Variants in WDR70 observed in about 807,000 individuals in gnomAD.
WDR70 encodes the protein WD repeat-containing protein 70.
Under a neutral mutation model 88.6 loss-of-function variants are expected in WDR70, and 53 were observed. The ratio of observed to expected loss-of-function variants is 0.60; its 90% confidence interval spans 0.48 to 0.75. WDR70 has a LOEUF of 0.75. WDR70 is among the 30% of genes least tolerant of loss of function. WDR70 has a pLI of 0.00. For missense variants in WDR70, 610 were observed against 823.2 expected, an observed-to-expected ratio of 0.74 and a Z score of 3.17; for synonymous variants, 280 against 270.0, an observed-to-expected ratio of 1.04 and a Z score of -0.36.
intron 9 of WDR70, among the ~76,000 whole-genome samples, chr5:37,540,288 C>CT (rs1287119238): frequency 1.3e-5 from 2 of 152,188 alleles, no homozygotes; most frequent in Non-Finnish European, 2.9e-5. Flanking sequence ...ATTTCCTTGC[C>CT]TTTCCACAAT....
chr5:37,381,824 C>T (rs1274716738), intron 3 of WDR70, 139 bp downstream of exon 3: 17 of 678,808 alleles, frequency 2.5e-5, no homozygotes, highest in Admixed American at 1.1e-4. Context: ...GAGGCCAAGG[C>T]GGGCAGATCA....
At chr5:37,610,280 A>G (rs1744153538) in intron 10 of WDR70, among the ~76,000 whole-genome samples, 1 of 152,028 alleles carries the variant, frequency 6.6e-6, no homozygotes, top group Non-Finnish European at 1.5e-5. Flanking sequence ...AAAAAAAAAA[A>G]AAAAATTTGT....
chr5:37,660,327 G>T (rs1028572953), intron 10 of WDR70, among the ~76,000 whole-genome samples: 3 of 152,026 alleles, frequency 2.0e-5, no homozygotes, highest in African/African-American at 4.8e-5. Flanking sequence ...GGTCAAGTTG[G>T]TTGATAGTGT....
intron 5 of WDR70, among the ~76,000 whole-genome samples, chr5:37,415,381 C>A (rs1297683600): frequency 1.5e-5 from 2 of 131,994 alleles, no homozygotes; most frequent in African/African-American, 5.0e-5. Flanking sequence ...CCCCTCACCT[C>A]CCGGACGGGG....
At chr5:37,519,865 A>G (rs1037492264) in intron 9 of WDR70, among the ~76,000 whole-genome samples, 10 of 152,166 alleles carry the variant, frequency 6.6e-5, no homozygotes, top group Non-Finnish European at 1.2e-4. Flanking sequence ...GTTCTTCATA[A>G]TGGTTTTACT....
rs781569527 is a variant in WDR70, at chr5:37,605,126, C to T, written c.980C>T (p.Thr327Met). 1.1e-5 allele frequency: 18 copies of T among 1,612,624 alleles called. No homozygotes were observed. The highest frequency in any genetic ancestry group is 1.4e-5 in the Non-Finnish European group (16 of 1,179,336). ...KKQKSVFKPR[T>M]MQGKKVIPTT... ...CAAAAAAGTGTGTTTAAACCACGGA[C>T]GATGCAAGGCAAAAAAGTCATTCCC... The change falls in exon 10 of 18, where the codon ACG becomes ATG. Residue 327 changes from threonine to methionine, a missense_variant. Around this residue, in one of 4 missense-constraint regions of WDR70, gnomAD observed 254 missense variants for 300.7 expected, o/e 0.84. Transcript: ENST00000265107.
chr5:37,650,469 A>G (rs1208269223), intron 10 of WDR70, among the ~76,000 whole-genome samples: 3 of 152,172 alleles, frequency 2.0e-5, no homozygotes, highest in Non-Finnish European at 4.4e-5. Context: ...ACTACTTGGT[A>G]AAGAGTCAGA....
chr5:37,577,906 G>A (rs1425233953), intron 9 of WDR70, among the ~76,000 whole-genome samples: 1 of 152,206 alleles, frequency 6.6e-6, no homozygotes, highest in East Asian at 1.9e-4. Flanking sequence ...AGACCTGAGA[G>A]ACATTGTATA....
chr5:37,512,332 C>T (rs1288465849), intron 8 of WDR70, among the ~76,000 whole-genome samples: 1 of 152,136 alleles, frequency 6.6e-6, no homozygotes, highest in African/African-American at 2.4e-5. Context: ...AAGCCATCCT[C>T]CACCTCAGCC....
intron 9 of WDR70, among the ~76,000 whole-genome samples, chr5:37,519,405 C>T (rs1301845897): frequency 4.1e-5 from 6 of 147,970 alleles, no homozygotes; most frequent in Non-Finnish European, 9.0e-5. Flanking sequence ...CGGAGGCGCT[C>T]CTCACTTCCC....
At chr5:37,522,839 T>C (rs2176477) in intron 9 of WDR70, among the ~76,000 whole-genome samples, 148,268 of 152,294 alleles carry the variant, frequency 0.97, 72,310 homozygotes, top group East Asian at 1. Flanking sequence ...TTATATTCTG[T>C]GCCTGGCTCA....
Position 37,746,604 on chromosome 5 carries a change from A to G in WDR70, c.1878-5882A>G, listed in dbSNP as rs537487026. ...AAAGGGATATCACCACTGACCCCAC[A>G]GAAATACAAACTACCATCAGAGAAT... On this transcript the variant is annotated intron_variant, in intron 17 of 17. Transcript: ENST00000265107. 3.9e-5 allele frequency among the ~76,000 whole-genome samples: 6 copies of G among 152,346 alleles called. No homozygotes were observed. In the East Asian group the frequency reaches 1.2e-3, roughly 29 times the overall value.
chr5:37,600,245 C>T (rs187537584), intron 9 of WDR70, among the ~76,000 whole-genome samples: 53 of 152,134 alleles, frequency 3.5e-4, no homozygotes, highest in East Asian at 9.7e-4. Context: ...ATCTAGAATT[C>T]GGCTGGGTGC....
intron 13 of WDR70, among the ~76,000 whole-genome samples, chr5:37,713,834 T>G (rs759459975): frequency 1.3e-5 from 2 of 152,234 alleles, no homozygotes; most frequent in Non-Finnish European, 1.5e-5. Context: ...TTATGTCTTG[T>G]AGGATTTTCT....
In WDR70 at chr5:37,678,977, T is replaced by TCATTTCATC. The variant is rs1746329501; in HGVS notation, c.1093-18677_1093-18669dup. On this transcript the variant is annotated intron_variant, in intron 10 of 17. Transcript: ENST00000265107. ...AACTTCCCTTCTCGCTTCATTTCATTCATTTCATCTTCCATCACTGATACC... is the reference window on the plus strand; with the variant it reads ...AACTTCCCTTCTCGCTTCATTTCATTCATTTCATCCATTTCATCTTCCATCACTGATACC... Among the ~76,000 whole-genome samples the TCATTTCATC allele has an allele frequency of 3.9e-5, 6 of 152,372 alleles. No homozygotes were observed. In the East Asian group the frequency reaches 5.8e-4, roughly 15 times the overall value.
At chr5:37,525,075 C>T (rs1055462570) in intron 9 of WDR70, among the ~76,000 whole-genome samples, 1 of 152,108 alleles carries the variant, frequency 6.6e-6, no homozygotes, top group African/African-American at 2.4e-5. Context: ...ATCAACGAGA[C>T]AGCAAGTTAA....
At chr5:37,637,341 AAATAAAT>A (rs1744999714) in intron 10 of WDR70, among the ~76,000 whole-genome samples, 1 of 53,828 alleles carries the variant, frequency 1.9e-5, no homozygotes, top group African/African-American at 1.2e-4. Flanking sequence ...TAAATAAATT[AAATAAAT>A]AAATAAATAA....
intron 9 of WDR70, among the ~76,000 whole-genome samples, 154 bp downstream of exon 9, chr5:37,516,744 G>A (rs1354724472): frequency 6.9e-6 from 1 of 144,902 alleles, no homozygotes; most frequent in Admixed American, 6.8e-5. Flanking sequence ...TTTTTTAAGG[G>A]GGAGTCTTGC....
chr5:37,722,759 A>C, intron 14 of WDR70, 96 bp from the exon 15 acceptor site: 1 of 1,127,084 alleles, frequency 8.9e-7, no homozygotes, highest in Non-Finnish European at 1.3e-6. Flanking sequence ...GAGTGCATGC[A>C]CAGAGTATGT....
Sources: allele counts gnomAD v4.1 joint callset (sites outside exome capture counted in the v4.1 genomes callset), GRCh38; gene constraint gnomAD v4.1.1; regional missense constraint gnomAD v4.1.1; transcripts MANE v1.5; gene names NCBI Gene and HGNC (gene_info 2026-07-23, HGNC 2026-07-21).